The following PCDH15 variants were observed in gnomAD, a reference collection of about 807,000 sequenced individuals.
PCDH15 encodes protocadherin related 15, also known as protocadherin-15.
In PCDH15, 129 loss-of-function variants were observed where a neutral mutation model predicts 178.5. The observed-to-expected ratio is 0.72, with a 90% CI of 0.63 to 0.84. PCDH15 has a LOEUF of 0.84. Ranked by LOEUF, PCDH15 falls within the 40% of genes least tolerant of loss-of-function variation. The pLI is 0.00. For synonymous variants in PCDH15, 800 were observed against 732.0 expected (o/e 1.09, Z -1.50); for missense variants, 2,230 against 2,099.9 (o/e 1.06, Z -1.21).
At position 55,520,326 on chromosome 10, in the gene PCDH15, GTATATATA is replaced by G. The variant is rs200235654; in HGVS notation, c.-156+107291_-156+107298del. Among the ~76,000 whole-genome samples the G allele has an allele frequency of 4.3e-3, 193 of 44,580 alleles. 35 individuals are homozygous for G. The highest frequency in any genetic ancestry group is 0.013 in the African/African-American group (174 of 13,198). The allele number at this position is 44,580 out of a possible 152,430, so 29.2% of individuals were successfully genotyped here. A position where few individuals can be genotyped will look rare whatever the true frequency, so the allele number is the denominator to read the frequency against. On this transcript the variant is annotated intron_variant, in intron 2 of 5. Transcript: ENST00000613346. ...ATATATATATATATACATGCAATGT[GTATATATA>G]TATATATATATATATACACATTGTC...
chr10:54,661,829 G>T (rs965365616), intron 2 of PCDH15, among the ~76,000 whole-genome samples: 3 of 151,900 alleles, frequency 2.0e-5, no homozygotes, highest in Non-Finnish European at 4.4e-5. Context: ...TCAATAAATG[G>T]TGCTAGGAAA....
intron 5 of PCDH15, among the ~76,000 whole-genome samples, chr10:54,358,236 A>G (rs983807090): frequency 8.6e-5 from 13 of 151,366 alleles, no homozygotes; most frequent in Admixed American, 5.3e-4. Flanking sequence ...GCAACCTACA[A>G]AATGGGAGAA....
At chr10:55,338,077 G>A (rs1330374521) in intron 2 of PCDH15, among the ~76,000 whole-genome samples, 1 of 152,102 alleles carries the variant, frequency 6.6e-6, no homozygotes, top group African/African-American at 2.4e-5. Flanking sequence ...ATAATCATTA[G>A]AGAAATGCAA....
intron 1 of PCDH15, among the ~76,000 whole-genome samples, chr10:55,186,375 C>A (rs1352589390): frequency 6.6e-6 from 1 of 150,780 alleles, no homozygotes; most frequent in African/African-American, 2.4e-5. Flanking sequence ...TTTAAAACAG[C>A]CTAAAAGAAG....
chr10:55,209,564 TTAGTATTGG>T (rs1840504470), intron 1 of PCDH15, among the ~76,000 whole-genome samples: 1 of 151,974 alleles, frequency 6.6e-6, no homozygotes, highest in Non-Finnish European at 1.5e-5. Flanking sequence ...CTGTCATAAC[TTAGTATTGG>T]TTTGGACATA....
At chr10:54,541,070 C>G (rs2085162461) in intron 2 of PCDH15, among the ~76,000 whole-genome samples, 1 of 152,100 alleles carries the variant, frequency 6.6e-6, no homozygotes, top group Admixed American at 6.5e-5. Flanking sequence ...GTCGCAAAAG[C>G]TGGAACCATT....
chr10:54,720,401 T>A (rs1941390599), intron 1 of PCDH15, among the ~76,000 whole-genome samples: 1 of 151,526 alleles, frequency 6.6e-6, no homozygotes, highest in Non-Finnish European at 1.5e-5. Flanking sequence ...AATCCTAAAA[T>A]CAGCAAGAGA....
intron 2 of PCDH15, among the ~76,000 whole-genome samples, chr10:55,457,900 A>T (rs551578898): frequency 4.6e-5 from 7 of 152,172 alleles, no homozygotes; most frequent in Admixed American, 4.6e-4. Context: ...ATTCTCTTGG[A>T]TTAGTATTTA....
intron 1 of PCDH15, among the ~76,000 whole-genome samples, chr10:55,217,473 G>T (rs1345713213): frequency 6.6e-6 from 1 of 151,546 alleles, no homozygotes; most frequent in Non-Finnish European, 1.5e-5. Flanking sequence ...ACTGTTAAAC[G>T]TTTTAAAAAT....
At chr10:55,385,230 T>C (rs1837625569) in intron 2 of PCDH15, among the ~76,000 whole-genome samples, 1 of 152,096 alleles carries the variant, frequency 6.6e-6, no homozygotes, top group African/African-American at 2.4e-5. Flanking sequence ...AAATTGTCAC[T>C]CTAGAATTGC....
chr10:54,472,577 C>G (rs1187791782), intron 3 of PCDH15, among the ~76,000 whole-genome samples: 3 of 152,148 alleles, frequency 2.0e-5, no homozygotes, highest in South Asian at 4.1e-4. Context: ...AGCCAATGTG[C>G]TAAGCATTGG....
chr10:54,317,446 T>C lies in PCDH15; in HGVS notation c.706-5A>G. 1 of 1,613,636 alleles carries C rather than the reference T, an allele frequency of 6.2e-7. No individual in the cohort carries two copies. The highest frequency in any genetic ancestry group is 8.5e-7 in the Non-Finnish European group (1 of 1,179,752). On this transcript the variant is annotated splice_polypyrimidine_tract_variant and splice_region_variant and intron_variant, in intron 7 of 37. Transcript: ENST00000644397. Reference sequence around the variant, plus strand: ...ATTCAGATTTTGGGCACGGTCCTGTTAGGGAGAAAAACAAACAACAGGTAG... The same window carrying C: ...ATTCAGATTTTGGGCACGGTCCTGTCAGGGAGAAAAACAAACAACAGGTAG...
intron 2 of PCDH15, among the ~76,000 whole-genome samples, chr10:55,585,489 C>A (rs950173276): frequency 3.9e-5 from 6 of 152,020 alleles, no homozygotes; most frequent in African/African-American, 1.4e-4. Context: ...CTAGCCTGGT[C>A]AACATGGTGA....
chr10:55,432,974 A>G (rs1048828548), intron 2 of PCDH15, among the ~76,000 whole-genome samples: 1 of 152,030 alleles, frequency 6.6e-6, no homozygotes, highest in East Asian at 1.9e-4. Context: ...CAGTGAGCCA[A>G]GATCGCGCCA....
At chr10:54,108,879 C>T (rs1239271835) in intron 15 of PCDH15, among the ~76,000 whole-genome samples, 1 of 152,202 alleles carries the variant, frequency 6.6e-6, no homozygotes, top group Admixed American at 6.5e-5. Flanking sequence ...TTTCTAGACA[C>T]ATCCTGGGCA....
chr10:55,487,871 T>C (rs997954427), intron 2 of PCDH15, among the ~76,000 whole-genome samples: 14 of 151,610 alleles, frequency 9.2e-5, no homozygotes, highest in African/African-American at 3.4e-4. Flanking sequence ...CATGACTGTA[T>C]ATAATTAAGC....
At chr10:54,754,942 CTTTTTTTT>C (rs35143502) in intron 1 of PCDH15, among the ~76,000 whole-genome samples, 2 of 33,860 alleles carry the variant, frequency 5.9e-5, no homozygotes, top group African/African-American at 9.0e-5. Flanking sequence ...GTTTTTCTTT[CTTTTTTTT>C]TTTTTTTTTT....
chr10:53,972,358 C>A (rs1314988173), intron 21 of PCDH15, among the ~76,000 whole-genome samples: 1 of 152,076 alleles, frequency 6.6e-6, no homozygotes, highest in East Asian at 1.9e-4. Context: ...TAGGTAATAC[C>A]ATTCAGGACA....
intron 3 of PCDH15, among the ~76,000 whole-genome samples, chr10:54,525,436 G>A (rs1018615029): frequency 1.3e-5 from 2 of 152,096 alleles, no homozygotes; most frequent in Non-Finnish European, 2.9e-5. Flanking sequence ...ATAGAGCAAG[G>A]CTAAAAATAA....
Sources: gnomAD v4.1 joint callset for allele counts (sites outside exome capture counted in the v4.1 genomes callset) on GRCh38, gnomAD v4.1.1 for gene constraint, MANE v1.5 for transcripts, NCBI Gene and HGNC (gene_info 2026-07-23, HGNC 2026-07-21) for gene names.